The following MAPRE2 variants were observed in gnomAD, a reference collection of about 807,000 sequenced individuals.
MAPRE2 encodes microtubule-associated protein RP/EB family member 2.
In MAPRE2, 13 loss-of-function variants were observed where a neutral mutation model predicts 43.2. The observed-to-expected ratio is 0.30, with a 90% CI of 0.20 to 0.48. The LOEUF (loss-of-function observed/expected upper bound fraction) is 0.48, where lower values mean the gene tolerates loss of function less well. Ranked by LOEUF, MAPRE2 falls within the 20% of genes least tolerant of loss-of-function variation. MAPRE2 has a pLI of 0.99. For synonymous variants in MAPRE2, 135 were observed against 148.8 expected (o/e 0.91, Z 0.68); for missense variants, 161 against 400.2 (o/e 0.40, Z 5.10).
At chr18:35,111,629 C>T (rs1185974951) in intron 4 of MAPRE2, among the ~76,000 whole-genome samples, 2 of 152,178 alleles carry the variant, frequency 1.3e-5, no homozygotes, top group Admixed American at 1.3e-4. Flanking sequence ...AAGTTAACTC[C>T]CATTCAAGGG....
intron 1 of MAPRE2, among the ~76,000 whole-genome samples, chr18:35,068,725 G>T (rs546985051): frequency 6.6e-5 from 10 of 152,264 alleles, no homozygotes; most frequent in Non-Finnish European, 1.0e-4. Context: ...ATGAATAATA[G>T]AATATTTGAA....
chr18:35,115,173 C>T (rs1909356605), intron 4 of MAPRE2, among the ~76,000 whole-genome samples: 1 of 152,104 alleles, frequency 6.6e-6, no homozygotes, highest in African/African-American at 2.4e-5. Context: ...AGAAGGTCCT[C>T]ATATAATTAT....
At chr18:35,131,063 G>A (rs1458817201) in intron 5 of MAPRE2, among the ~76,000 whole-genome samples, 1 of 152,176 alleles carries the variant, frequency 6.6e-6, no homozygotes, top group Non-Finnish European at 1.5e-5. Context: ...CGTACCCAAA[G>A]CCCGAACTAG....
At chr18:35,003,639 C>T (rs2097030437) in intron 1 of MAPRE2, among the ~76,000 whole-genome samples, 1 of 152,204 alleles carries the variant, frequency 6.6e-6, no homozygotes, top group African/African-American at 2.4e-5. Flanking sequence ...GGCTAATTAT[C>T]TGCTTTATAG....
At chr18:35,033,098 A>C (rs2097048613) in intron 2 of MAPRE2, among the ~76,000 whole-genome samples, 1 of 152,148 alleles carries the variant, frequency 6.6e-6, no homozygotes, top group Non-Finnish European at 1.5e-5. Flanking sequence ...ATGAACATTG[A>C]TGCAAAAATC....
At chr18:35,069,479 G>T (rs185902274) in intron 1 of MAPRE2, among the ~76,000 whole-genome samples, 240 of 152,118 alleles carry the variant, frequency 1.6e-3, no homozygotes, top group African/African-American at 5.6e-3. Flanking sequence ...GGCTTGGTAG[G>T]CTAGGATGGG....
chr18:35,134,882 G>T (rs1362464834), intron 6 of MAPRE2, among the ~76,000 whole-genome samples: 1 of 152,082 alleles, frequency 6.6e-6, no homozygotes, highest in Non-Finnish European at 1.5e-5. Flanking sequence ...TGTATCTCTG[G>T]CACTGCGCTG....
At chr18:35,042,976 A>G (rs1180872634) in intron 1 of MAPRE2, among the ~76,000 whole-genome samples, 2 of 152,142 alleles carry the variant, frequency 1.3e-5, no homozygotes, top group South Asian at 4.1e-4. Flanking sequence ...TGGCAGTTAC[A>G]TAAATACTTG....
At chr18:34,993,255 CTTTT>C (rs760356794) in intron 1 of MAPRE2, among the ~76,000 whole-genome samples, 1,635 of 130,052 alleles carry the variant, frequency 0.013, 20 homozygotes, top group African/African-American at 0.029. Flanking sequence ...CCATTCCCGC[CTTTT>C]TTTTTTTTTT....
At chr18:35,113,922 TAATATTAGCA>T (rs944592066) in intron 4 of MAPRE2, among the ~76,000 whole-genome samples, 32 of 152,332 alleles carry the variant, frequency 2.1e-4, no homozygotes, top group African/African-American at 7.0e-4. Context: ...GAGTCATCAG[TAATATTAGCA>T]AATATTTATT....
intron 6 of MAPRE2, among the ~76,000 whole-genome samples, chr18:35,132,603 G>A (rs1222698886): frequency 6.6e-6 from 1 of 152,190 alleles, no homozygotes; most frequent in Non-Finnish European, 1.5e-5. Context: ...ATAATTGACT[G>A]TTTTTATTTC....
chr18:35,067,365 A>G (rs1906881778), intron 1 of MAPRE2, among the ~76,000 whole-genome samples: 2 of 152,218 alleles, frequency 1.3e-5, no homozygotes, highest in African/African-American at 4.8e-5. Flanking sequence ...ACCTGGAGGA[A>G]AGTGTGATTT....
intron 1 of MAPRE2, among the ~76,000 whole-genome samples, chr18:34,988,151 C>T (rs2097021965): frequency 6.6e-6 from 1 of 152,144 alleles, no homozygotes; most frequent in East Asian, 1.9e-4. Context: ...CTTGTATCCC[C>T]AGATTCCTCT....
At chr18:35,045,682 G>A (rs1905583747) in intron 1 of MAPRE2, among the ~76,000 whole-genome samples, 3 of 152,144 alleles carry the variant, frequency 2.0e-5, no homozygotes, top group African/African-American at 7.2e-5. Flanking sequence ...TTGTAACATG[G>A]CTCACTTTTA....
intron 2 of MAPRE2, among the ~76,000 whole-genome samples, chr18:35,028,912 TTA>T (rs1330713652): frequency 9.9e-5 from 15 of 152,230 alleles, no homozygotes; most frequent in African/African-American, 3.4e-4. Flanking sequence ...TATTAACTCA[TTA>T]TGTCTCACAT....
At chr18:35,002,455 G>A (rs1281569122) in intron 1 of MAPRE2, among the ~76,000 whole-genome samples, 1 of 152,174 alleles carries the variant, frequency 6.6e-6, no homozygotes, top group Non-Finnish European at 1.5e-5. Flanking sequence ...GGGTGATATG[G>A]TAGTTGCATG....
chr18:35,132,149 G>A lies in MAPRE2; in HGVS notation c.868G>A (p.Val290Met), dbSNP rs751229964. ...QEHGQENDDLVQRLMDILYAS... is the reference protein window; with the variant it reads ...QEHGQENDDLMQRLMDILYAS... ...ACACGGGCAGGAAAATGATGACCTC[G>A]TGCAGAGACTAATGGACATCCTGTA... is the stretch of plus-strand genomic sequence containing the variant. Residue 290 changes from valine to methionine, a missense_variant, in exon 6 of 7, where the codon GTG (valine) becomes ATG (methionine). Val to Met is a conservative substitution (Grantham distance 21). Around this residue, in one of 2 missense-constraint regions of MAPRE2, gnomAD observed 96 missense variants for 153.3 expected, o/e 0.63. Coordinates refer to ENST00000300249, the MANE Select transcript of MAPRE2 (RefSeq NM_014268.4). The A allele has an allele frequency of 6.7e-5, 108 of 1,614,064 alleles. No homozygotes were observed. The highest frequency in any genetic ancestry group is 8.9e-5 in the Non-Finnish European group (105 of 1,180,032).
intron 1 of MAPRE2, among the ~76,000 whole-genome samples, chr18:35,062,732 G>A (rs978496103): frequency 6.6e-6 from 1 of 152,224 alleles, no homozygotes; most frequent in African/African-American, 2.4e-5. Context: ...TTCCAAGGAA[G>A]CATCGATATT....
intron 1 of MAPRE2, among the ~76,000 whole-genome samples, chr18:34,985,524 AT>A (rs376707022): frequency 2.8e-4 from 14 of 50,736 alleles, no homozygotes; most frequent in African/African-American, 1.1e-3. Context: ...TATATTATAT[AT>A]TATAAATATA....
Sources: allele counts gnomAD v4.1 joint callset (sites outside exome capture counted in the v4.1 genomes callset), GRCh38; gene constraint gnomAD v4.1.1; regional missense constraint gnomAD v4.1.1; transcripts MANE v1.5; gene names NCBI Gene and HGNC (gene_info 2026-07-23, HGNC 2026-07-21).